Variants in GREB1L observed in about 807,000 individuals in gnomAD.
The protein encoded by GREB1L is GREB1-like protein.
In GREB1L, 17 loss-of-function variants were observed where a neutral mutation model predicts 200.8. The observed-to-expected ratio is 0.08, with a 90% confidence interval of 0.06 to 0.13. The LOEUF (loss-of-function observed/expected upper bound fraction) is 0.13. GREB1L is among the 10% of genes least tolerant of loss of function. The pLI, the probability that GREB1L is intolerant of heterozygous loss-of-function variation, is 1.00. For missense variants in GREB1L, 1,657 were observed against 2,367.7 expected (o/e 0.70, Z 6.23); for synonymous variants, 789 against 893.0 (o/e 0.88, Z 2.08).
At chr18:21,247,307 T>G (rs2037622361) in intron 1 of GREB1L, among the ~76,000 whole-genome samples, 1 of 152,168 alleles carries the variant, frequency 6.6e-6, no homozygotes, top group Non-Finnish European at 1.5e-5. Context: ...GGTTTCAGAT[T>G]TTATTTTTAT....
At chr18:21,367,679 ATTT>A (rs2039726904) in intron 2 of GREB1L, among the ~76,000 whole-genome samples, 1 of 152,154 alleles carries the variant, frequency 6.6e-6, no homozygotes, top group Non-Finnish European at 1.5e-5. Flanking sequence ...TGGAATACAG[ATTT>A]TTTTATTTAG....
At chr18:21,431,730 T>A (rs1468903577) in intron 7 of GREB1L, among the ~76,000 whole-genome samples, 1 of 152,122 alleles carries the variant, frequency 6.6e-6, no homozygotes, top group Non-Finnish European at 1.5e-5. Flanking sequence ...ACCCAACCCT[T>A]GTTATTAAAT....
At chr18:21,512,566 TGGAATTTTTAG>T (rs951270604) in intron 27 of GREB1L, among the ~76,000 whole-genome samples, 6 of 152,182 alleles carry the variant, frequency 3.9e-5, no homozygotes, top group African/African-American at 1.4e-4. Flanking sequence ...GGATTTTTGG[TGGAATTTTTAG>T]TTTTCTATGT....
At chr18:21,490,650 T>C (rs892973508) in intron 19 of GREB1L, among the ~76,000 whole-genome samples, 6 of 152,148 alleles carry the variant, frequency 3.9e-5, no homozygotes, top group East Asian at 1.9e-4. Context: ...TTGTTCAAGA[T>C]GCATGTAGCC....
chr18:21,440,321 T>C lies in GREB1L; in HGVS notation c.1002T>C (p.Pro334=). ...AGAAACGACACCGGGGATGGTATCCTGGGTCACCTCTCCCCCAACCTGGCT... is the reference window on the plus strand; with the variant it reads ...AGAAACGACACCGGGGATGGTATCCCGGGTCACCTCTCCCCCAACCTGGCT... The part of the protein sequence containing the change: ...PPKKRHRGWY[P]GSPLPQPGLV... The change falls in exon 9 of 33, where the codon CCT becomes CCC. Residue 334 remains proline, a synonymous_variant. Transcript: ENST00000424526. The C allele has an allele frequency of 6.4e-7, 1 of 1,551,472 alleles. No individual in the cohort carries two copies. The highest frequency in any genetic ancestry group is 8.7e-7 in the Non-Finnish European group (1 of 1,146,594).
At chr18:21,327,212 C>T (rs149795645) in intron 1 of GREB1L, among the ~76,000 whole-genome samples, 1 of 152,180 alleles carries the variant, frequency 6.6e-6, no homozygotes, top group Admixed American at 6.5e-5. Flanking sequence ...AACAGAAAGG[C>T]CCTCAGGCAT....
intron 1 of GREB1L, among the ~76,000 whole-genome samples, chr18:21,291,347 T>C (rs2038447231): frequency 6.6e-6 from 1 of 152,204 alleles, no homozygotes; most frequent in South Asian, 2.1e-4. Flanking sequence ...GTTACCTCTT[T>C]GTTAAAGCCT....
intron 9 of GREB1L, 105 bp downstream of exon 9, chr18:21,440,493 T>G: frequency 9.2e-7 from 1 of 1,089,982 alleles, no homozygotes; most frequent in Non-Finnish European, 1.3e-6. Flanking sequence ...TATATGAGGA[T>G]ATTGATAGTA....
At chr18:21,397,975 GC>G (rs1302356366) in intron 5 of GREB1L, among the ~76,000 whole-genome samples, 1 of 152,148 alleles carries the variant, frequency 6.6e-6, no homozygotes, top group Non-Finnish European at 1.5e-5. Flanking sequence ...AAACTTTTTA[GC>G]ATTTGAAAAG....
At chr18:21,395,105 C>CAAAAAAAAA (rs372663303) in intron 4 of GREB1L, among the ~76,000 whole-genome samples, 4 of 64,054 alleles carry the variant, frequency 6.2e-5, no homozygotes, top group African/African-American at 9.6e-5. Flanking sequence ...GACTCCATCT[C>CAAAAAAAAA]AAAAAAAAAA....
intron 15 of GREB1L, among the ~76,000 whole-genome samples, chr18:21,456,243 G>T (rs1237385153): frequency 6.6e-6 from 1 of 152,156 alleles, no homozygotes; most frequent in Non-Finnish European, 1.5e-5. Context: ...AGTGAAGCCA[G>T]TGTCAGAAGA....
intron 1 of GREB1L, among the ~76,000 whole-genome samples, chr18:21,278,442 G>A (rs1180576899): frequency 1.3e-5 from 2 of 150,108 alleles, no homozygotes; most frequent in Admixed American, 1.3e-4. Context: ...AGTTACAACA[G>A]CATCCTCCTC....
At chr18:21,412,613 A>G (rs1370092922) in intron 7 of GREB1L, among the ~76,000 whole-genome samples, 1 of 152,218 alleles carries the variant, frequency 6.6e-6, no homozygotes, top group Non-Finnish European at 1.5e-5. Context: ...TGAGGAATGC[A>G]TACAAAACAC....
chr18:21,329,315 ACT>A (rs1355468803), intron 1 of GREB1L, among the ~76,000 whole-genome samples: 14 of 136,342 alleles, frequency 1.0e-4, no homozygotes, highest in Non-Finnish European at 1.5e-4. Context: ...ACAGAGTGAG[ACT>A]CTGTCTAAAA....
chr18:21,350,633 G>A (rs1403794289), intron 1 of GREB1L, among the ~76,000 whole-genome samples: 1 of 152,132 alleles, frequency 6.6e-6, no homozygotes, highest in Non-Finnish European at 1.5e-5. Context: ...CAAAAATGAT[G>A]TTTCCTAGAT....
At chr18:21,323,161 C>T (rs2038975642) in intron 1 of GREB1L, among the ~76,000 whole-genome samples, 1 of 151,980 alleles carries the variant, frequency 6.6e-6, no homozygotes, top group Non-Finnish European at 1.5e-5. Flanking sequence ...GTGGTGTGTG[C>T]CTGTGGTCCC....
intron 4 of GREB1L, among the ~76,000 whole-genome samples, chr18:21,388,700 A>T (rs1345635176): frequency 1.3e-5 from 2 of 149,656 alleles, no homozygotes; most frequent in Non-Finnish European, 3.0e-5. Flanking sequence ...TCCCATCACC[A>T]CGCCCCGCTA....
At chr18:21,446,169 C>T (rs1365095563) in intron 11 of GREB1L, among the ~76,000 whole-genome samples, 1 of 152,210 alleles carries the variant, frequency 6.6e-6, no homozygotes, top group Admixed American at 6.5e-5. Flanking sequence ...GGACTACAGG[C>T]GTGAACCACC....
At chr18:21,473,568 CAAAAAA>C (rs1261372851) in intron 16 of GREB1L, among the ~76,000 whole-genome samples, 7 of 46,650 alleles carry the variant, frequency 1.5e-4, no homozygotes, top group African/African-American at 6.2e-4. Context: ...GACTTTGTCT[CAAAAAA>C]AAAAAAAAAA....
Sources: gnomAD v4.1 joint callset for allele counts (sites outside exome capture counted in the v4.1 genomes callset) on GRCh38, gnomAD v4.1.1 for gene constraint, MANE v1.5 for transcripts, NCBI Gene and HGNC (gene_info 2026-07-23, HGNC 2026-07-21) for gene names.